Variants in RASGRP1 observed in about 807,000 individuals in gnomAD.
RASGRP1 encodes the protein RAS guanyl-releasing protein 1.
A neutral mutation model predicts 95.1 loss-of-function variants in RASGRP1; 37 were observed. That is an observed-to-expected ratio of 0.39 (90% CI 0.30 to 0.51). The LOEUF (loss-of-function observed/expected upper bound fraction) is 0.51. Ranked by LOEUF, RASGRP1 falls within the 20% of genes least tolerant of loss-of-function variation. The probability of loss-of-function intolerance (pLI) is 0.80; values close to 1 mark genes in which losing one functional copy is unlikely to be tolerated. For synonymous variants in RASGRP1, 325 were observed against 353.4 expected (o/e 0.92, Z 0.90); for missense variants, 711 against 965.4 (o/e 0.74, Z 3.49).
At chr15:38,490,999 T>C (rs72727365) in intron 16 of RASGRP1, among the ~76,000 whole-genome samples, 131 of 152,318 alleles carry the variant, frequency 8.6e-4, no homozygotes, top group Non-Finnish European at 1.2e-3. Context: ...AGATCTCAAC[T>C]TGGCAGAAAC....
chr15:38,488,736 C>T lies in RASGRP1; in HGVS notation c.*1818G>A, dbSNP rs1192985052. 6.6e-6 allele frequency: 1 copy of T among 151,916 alleles called. No individual in the cohort carries two copies. The highest frequency in any genetic ancestry group is 1.5e-5 in the Non-Finnish European group (1 of 67,858). The allele number at this position is 151,916 out of a possible 1,614,324, so 9.4% of individuals were successfully genotyped here. A position where few individuals can be genotyped will look rare whatever the true frequency, so the allele number is the denominator to read the frequency against. ...AAAATTAGAGTACACCATCTTTGGT[C>T]TATATCAATCAAAGGAAAACAAGAA... is the stretch of plus-strand genomic sequence containing the variant. On this transcript the variant is annotated 3_prime_UTR_variant, in exon 17 of 17. Transcript: ENST00000310803.
rs114811421 is a variant in RASGRP1 at position 38,506,595 on chromosome 15, A to G, written c.1243-675T>C. Among the ~76,000 whole-genome samples, 292 of 145,854 alleles carry G rather than the reference A, an allele frequency of 2.0e-3. 3 individuals carry two copies. Among genetic ancestry groups the G allele is most frequent in the African/African-American group, 6.9e-3 (270 of 39,392 alleles). Reference sequence around the variant, plus strand: ...GGTTGCAGTGAGCTGAGATTGCACTACTGCACTCCAGTCTAGGTCATAGAG... The same window carrying G: ...GGTTGCAGTGAGCTGAGATTGCACTGCTGCACTCCAGTCTAGGTCATAGAG... On this transcript the variant is annotated intron_variant, in intron 9 of 16. Transcript: ENST00000310803.
chr15:38,564,312 C>T (rs1439674574), intron 1 of RASGRP1, among the ~76,000 whole-genome samples: 2 of 152,110 alleles, frequency 1.3e-5, no homozygotes, highest in African/African-American at 4.8e-5. Flanking sequence ...CGGGCGCCGG[C>T]TCCGCGAAGA....
intron 2 of RASGRP1, among the ~76,000 whole-genome samples, chr15:38,531,286 C>T (rs1465770064): frequency 6.6e-6 from 1 of 152,130 alleles, no homozygotes; most frequent in African/African-American, 2.4e-5. Flanking sequence ...GATTCCAGAG[C>T]CCCTTCTCTT....
chr15:38,503,234 A>G, intron 11 of RASGRP1, 38 bp downstream of exon 11: 1 of 1,498,732 alleles, frequency 6.7e-7, no homozygotes, highest in Non-Finnish European at 9.2e-7. Context: ...GAGCCAGGCA[A>G]TGCCTAGTTT....
At position 38,503,350 on chromosome 15, in the gene RASGRP1, T is replaced by C; in HGVS notation, c.1350A>G (p.Val450=). 6.2e-7 allele frequency: 1 copy of C among 1,611,680 alleles called. No homozygotes were observed. The highest frequency in any genetic ancestry group is 1.1e-5 in the South Asian group (1 of 90,318). ...ACACTCCAGAAGCCCAGTCCACTAC[T>C]ACTGGTGGCTTTGAAGGTGTTAGTG... is the stretch of plus-strand genomic sequence containing the variant. ...APPLTPSKPP[V]VVDWASGVSP... is the part of the protein sequence containing the mutation. The change falls in exon 11 of 17, where the codon GTA becomes GTG. Residue 450 remains valine (V), a synonymous_variant. Coordinates refer to ENST00000310803, the MANE Select transcript of RASGRP1 (RefSeq NM_005739.4).
At chr15:38,563,477 G>A (rs1435657365) in intron 1 of RASGRP1, among the ~76,000 whole-genome samples, 5 of 152,192 alleles carry the variant, frequency 3.3e-5, no homozygotes, top group African/African-American at 1.2e-4. Flanking sequence ...TCTCAGTGGA[G>A]GTCAGTTTCA....
chr15:38,514,615 A>G (rs1306145505), intron 6 of RASGRP1, among the ~76,000 whole-genome samples: 1 of 152,192 alleles, frequency 6.6e-6, no homozygotes, highest in Non-Finnish European at 1.5e-5. Flanking sequence ...TACAGGAAAA[A>G]CAAAAAAACC....
chr15:38,554,735 C>T (rs536319422), intron 2 of RASGRP1, among the ~76,000 whole-genome samples: 3 of 152,334 alleles, frequency 2.0e-5, no homozygotes, highest in South Asian at 2.1e-4. Context: ...GGGCTAAGAG[C>T]GGCCTGGGAG....
Position 38,526,366 on chromosome 15 carries a change from G to C in RASGRP1, c.259C>G (p.Gln87Glu). The change falls in exon 3 of 17, where the codon CAA (glutamine) becomes GAA (glutamate). Residue 87 changes from glutamine (Q) to glutamate (E), a missense_variant. This residue lies in a region of RASGRP1 where 491 missense variants were observed against 676.6 expected (regional missense o/e 0.73). Transcript: ENST00000310803. ...GNLCRSNQLL[Q>E]VMLTMHRIVI... ...ATTCGGTGCATGGTCAGCATGACTT[G>C]CAACAGTTGGTTACTTCGACACAGG... 1.2e-6 allele frequency: 2 copies of C among 1,613,256 alleles called. No homozygotes were observed. The highest frequency in any genetic ancestry group is 1.7e-6 in the Non-Finnish European group (2 of 1,179,404).
intron 9 of RASGRP1, 126 bp downstream of exon 9, chr15:38,507,600 A>AGAT: frequency 9.3e-7 from 1 of 1,078,410 alleles, no homozygotes. Context: ...TATATGTTGG[A>AGAT]GATAGTAATA....
chr15:38,499,106 A>C, intron 14 of RASGRP1, 160 bp from the exon 15 acceptor site: 1 of 1,006,770 alleles, frequency 9.9e-7, no homozygotes, highest in African/African-American at 1.6e-5. Context: ...CATTCTTCTC[A>C]CTTGGTGAAG....
At chr15:38,505,565 G>A (rs1031754258) in intron 10 of RASGRP1, among the ~76,000 whole-genome samples, 12 of 152,178 alleles carry the variant, frequency 7.9e-5, no homozygotes, top group African/African-American at 2.7e-4. Context: ...ACCACACCTG[G>A]CATTCTGATG....
chr15:38,494,003 T>TATC (rs1890695792), intron 16 of RASGRP1, among the ~76,000 whole-genome samples: 1 of 152,154 alleles, frequency 6.6e-6, no homozygotes, highest in African/African-American at 2.4e-5. Flanking sequence ...AAAGGAGTGG[T>TATC]ATCAGCACAG....
intron 2 of RASGRP1, among the ~76,000 whole-genome samples, chr15:38,542,262 G>T (rs1272375933): frequency 3.3e-5 from 5 of 152,102 alleles, no homozygotes; most frequent in Admixed American, 3.3e-4. Context: ...GACTGAAGTG[G>T]TGTTTACAAC....
At chr15:38,552,175 C>A (rs913749684) in intron 2 of RASGRP1, among the ~76,000 whole-genome samples, 6 of 152,190 alleles carry the variant, frequency 3.9e-5, no homozygotes, top group Admixed American at 3.9e-4. Context: ...TTTAAGAAAA[C>A]TTCTCAACCA....
intron 2 of RASGRP1, among the ~76,000 whole-genome samples, chr15:38,529,481 T>C (rs889417737): frequency 6.6e-6 from 1 of 152,232 alleles, no homozygotes; most frequent in African/African-American, 2.4e-5. Flanking sequence ...ATTACTGATG[T>C]CATTTTGGTC....
At chr15:38,539,663 C>T (rs1240896586) in intron 2 of RASGRP1, among the ~76,000 whole-genome samples, 4 of 151,668 alleles carry the variant, frequency 2.6e-5, no homozygotes, top group South Asian at 2.1e-4. Flanking sequence ...GCTGGTGTGC[C>T]GCACCCACTA....
chr15:38,501,348 G>C (rs750738837), intron 12 of RASGRP1, 61 bp from the exon 13 acceptor site: 2 of 1,574,546 alleles, frequency 1.3e-6, no homozygotes, highest in African/African-American at 1.4e-5. Flanking sequence ...AGGTAGCAAG[G>C]GGGGGCTTCT....
Sources: allele counts gnomAD v4.1 joint callset (sites outside exome capture counted in the v4.1 genomes callset), GRCh38; gene constraint gnomAD v4.1.1; regional missense constraint gnomAD v4.1.1; transcripts MANE v1.5; gene names NCBI Gene and HGNC (gene_info 2026-07-23, HGNC 2026-07-21).